CD96: variants seen among roughly 807,000 people sequenced by gnomAD.
CD96 encodes CD96 molecule.
CD96 carries 70 observed loss-of-function variants against 71.3 expected under a neutral mutation model. That is an observed-to-expected ratio of 0.98 (90% CI 0.81 to 1.20). The LOEUF (loss-of-function observed/expected upper bound fraction) is 1.20, where lower values mean the gene tolerates loss of function less well. Ranked by LOEUF, CD96 falls within the 50% of genes most tolerant of loss-of-function variation. The pLI is 0.00. For missense variants in CD96, 742 were observed against 677.5 expected (o/e 1.10, Z -1.06); for synonymous variants, 248 against 233.0 (o/e 1.06, Z -0.59).
intron 3 of CD96, among the ~76,000 whole-genome samples, chr3:111,575,425 G>T (rs555103389): frequency 1.3e-5 from 2 of 152,304 alleles, no homozygotes; most frequent in Admixed American, 6.5e-5. Flanking sequence ...ACTGTTGCTT[G>T]TGTGTTTTTC....
At chr3:111,614,663 C>T (rs963169837) in intron 8 of CD96, among the ~76,000 whole-genome samples, 2 of 152,112 alleles carry the variant, frequency 1.3e-5, no homozygotes, top group African/African-American at 2.4e-5. Context: ...AAAATGTGCA[C>T]CTTTGCCTAC....
At chr3:111,600,286 C>T (rs1377945987) in intron 6 of CD96, among the ~76,000 whole-genome samples, 4 of 152,170 alleles carry the variant, frequency 2.6e-5, no homozygotes, top group Non-Finnish European at 4.4e-5. Flanking sequence ...TAGTCCAAAA[C>T]GGAGTCCCAA....
At chr3:111,549,818 T>G (rs1332415401) in intron 2 of CD96, among the ~76,000 whole-genome samples, 1 of 152,168 alleles carries the variant, frequency 6.6e-6, no homozygotes, top group Non-Finnish European at 1.5e-5. Context: ...TTATTTTGCA[T>G]TTAATCTTAT....
chr3:111,588,576 T>A (rs905246482), intron 5 of CD96, among the ~76,000 whole-genome samples: 1 of 152,228 alleles, frequency 6.6e-6, no homozygotes, highest in Non-Finnish European at 1.5e-5. Flanking sequence ...ACTCTTCTGA[T>A]ACCAATTTAC....
intron 12 of CD96, among the ~76,000 whole-genome samples, chr3:111,645,641 C>T (rs1352497618): frequency 1.3e-5 from 2 of 152,150 alleles, no homozygotes; most frequent in Non-Finnish European, 2.9e-5. Context: ...TGAAACAGAA[C>T]TTTGTCTAGT....
chr3:111,577,198 C>T (rs1265090608), intron 3 of CD96, among the ~76,000 whole-genome samples: 3 of 152,162 alleles, frequency 2.0e-5, no homozygotes, highest in Non-Finnish European at 4.4e-5. Flanking sequence ...TGCTCTTTTT[C>T]CCACAACAAA....
At chr3:111,561,738 C>T (rs1281879252) in intron 2 of CD96, among the ~76,000 whole-genome samples, 1 of 145,746 alleles carries the variant, frequency 6.9e-6, no homozygotes, top group Admixed American at 6.9e-5. Flanking sequence ...GGGCTCCACC[C>T]AGTTCGAGCT....
rs115485880 is a variant in CD96, at chr3:111,622,543, C to A, written c.1181-1211C>A. On this transcript the variant is annotated intron_variant, in intron 8 of 13. Coordinates refer to ENST00000352690, the MANE Select transcript of CD96 (RefSeq NM_005816.5). ...GAACTACTTATAAATGCATTAACCA[C>A]AATGCCAACTTATTCATTTGATTTG... 2.2e-3 allele frequency among the ~76,000 whole-genome samples: 337 copies of A among 152,290 alleles called. 1 individual carries two copies. Among genetic ancestry groups the A allele is most frequent in the African/African-American group, 7.9e-3 (327 of 41,562 alleles).
intron 10 of CD96, among the ~76,000 whole-genome samples, chr3:111,627,977 A>C (rs1328183468): frequency 6.6e-6 from 1 of 152,204 alleles, no homozygotes; most frequent in Admixed American, 6.5e-5. Flanking sequence ...ACAACAAAAC[A>C]AAAAAACCAT....
intron 3 of CD96, among the ~76,000 whole-genome samples, chr3:111,569,916 G>C (rs1935898369): frequency 6.6e-6 from 1 of 152,186 alleles, no homozygotes. Flanking sequence ...CTGGGCAAGG[G>C]TAAAATGATT....
intron 5 of CD96, among the ~76,000 whole-genome samples, chr3:111,589,535 G>A (rs1438752431): frequency 1.3e-5 from 2 of 152,186 alleles, no homozygotes; most frequent in Non-Finnish European, 2.9e-5. Flanking sequence ...GATCTTTTCA[G>A]ATCTTGCCAA....
chr3:111,594,444 ATACT>A (rs753593482), intron 5 of CD96: 2 of 452,620 alleles, frequency 4.4e-6, no homozygotes, highest in Non-Finnish European at 8.1e-6. Context: ...CATGCCCCAG[ATACT>A]TACTTATCCT....
At chr3:111,553,049 TTTA>T (rs1934796934) in intron 2 of CD96, among the ~76,000 whole-genome samples, 1 of 151,986 alleles carries the variant, frequency 6.6e-6, no homozygotes, top group Non-Finnish European at 1.5e-5. Flanking sequence ...TCTTGTTTAT[TTTA>T]GTATGAATCT....
At chr3:111,584,062 A>G (rs1405531083) in intron 4 of CD96, among the ~76,000 whole-genome samples, 1 of 152,212 alleles carries the variant, frequency 6.6e-6, no homozygotes, top group Non-Finnish European at 1.5e-5. Flanking sequence ...TGCCTTTAAC[A>G]GCACCCAATA....
intron 8 of CD96, among the ~76,000 whole-genome samples, chr3:111,614,239 G>A (rs1485071318): frequency 6.6e-6 from 1 of 152,198 alleles, no homozygotes; most frequent in Non-Finnish European, 1.5e-5. Context: ...TGGGGGTAGG[G>A]AAGAGACAGG....
chr3:111,562,536 G>A (rs1935504085), intron 2 of CD96, among the ~76,000 whole-genome samples: 1 of 10,884 alleles, frequency 9.2e-5, no homozygotes, highest in Non-Finnish European at 2.0e-4. Context: ...CTCTCTTCTC[G>A]ATTTTTATAC....
At chr3:111,625,086 A>G (rs1938684797) in intron 10 of CD96, among the ~76,000 whole-genome samples, 1 of 152,258 alleles carries the variant, frequency 6.6e-6, no homozygotes, top group Non-Finnish European at 1.5e-5. Flanking sequence ...ACTCTTTGCC[A>G]CAAAGCGTAA....
chr3:111,648,355 A>G (rs1261448616), intron 13 of CD96, among the ~76,000 whole-genome samples: 1 of 152,188 alleles, frequency 6.6e-6, no homozygotes, highest in Non-Finnish European at 1.5e-5. Context: ...CTAAGATAAC[A>G]TTAACCATTG....
intron 13 of CD96, among the ~76,000 whole-genome samples, chr3:111,649,348 T>C (rs1939974800): frequency 6.6e-6 from 1 of 152,188 alleles, no homozygotes; most frequent in African/African-American, 2.4e-5. Flanking sequence ...ATGCATTTCC[T>C]GCACACAAAG....
Sources: allele counts gnomAD v4.1 joint callset (sites outside exome capture counted in the v4.1 genomes callset), GRCh38; gene constraint gnomAD v4.1.1; transcripts MANE v1.5; gene names NCBI Gene and HGNC (gene_info 2026-07-23, HGNC 2026-07-21).